The following NTM variants were observed in gnomAD, a reference collection of about 807,000 sequenced individuals.
NTM encodes neurotrimin.
Under a neutral mutation model 42.1 loss-of-function variants are expected in NTM, and 13 were observed. The observed-to-expected ratio is 0.31, with a 90% CI of 0.20 to 0.49. NTM has a LOEUF of 0.49. Among genes scored for constraint, NTM ranks in the 20% least tolerant of loss-of-function variants. NTM has a pLI of 0.99. For synonymous variants in NTM, 187 were observed against 179.2 expected (o/e 1.04, Z -0.35); for missense variants, 373 against 452.8 (o/e 0.82, Z 1.60).
At chr11:131,972,100 C>A (rs1350681667) in intron 2 of NTM, among the ~76,000 whole-genome samples, 4 of 147,480 alleles carry the variant, frequency 2.7e-5, no homozygotes, top group Non-Finnish European at 5.9e-5. Context: ...GTAGTCCTAG[C>A]TACTTGGGAG....
At chr11:132,086,182 G>A (rs2059679284) in intron 2 of NTM, among the ~76,000 whole-genome samples, 1 of 151,988 alleles carries the variant, frequency 6.6e-6, no homozygotes, top group Non-Finnish European at 1.5e-5. Flanking sequence ...AAATTAGCTG[G>A]GCATGGTGGT....
chr11:131,542,593 C>T (rs2053420740), intron 1 of NTM, among the ~76,000 whole-genome samples: 1 of 152,156 alleles, frequency 6.6e-6, no homozygotes. Context: ...TCCTCAAATT[C>T]CCAGCTGACC....
At chr11:132,001,013 A>G (rs918590760) in intron 2 of NTM, among the ~76,000 whole-genome samples, 5 of 152,228 alleles carry the variant, frequency 3.3e-5, no homozygotes, top group African/African-American at 9.6e-5. Flanking sequence ...TAGCATTCAT[A>G]GTCATCTGCC....
chr11:131,826,498 G>A (rs957274097), intron 1 of NTM, among the ~76,000 whole-genome samples: 1 of 151,874 alleles, frequency 6.6e-6, no homozygotes, highest in Non-Finnish European at 1.5e-5. Flanking sequence ...GTTGCAGACG[G>A]CAGTGTCCTC....
intron 1 of NTM, among the ~76,000 whole-genome samples, chr11:131,851,030 C>T (rs1843677604): frequency 6.6e-6 from 1 of 152,142 alleles, no homozygotes; most frequent in Non-Finnish European, 1.5e-5. Flanking sequence ...CTTGGGCCCT[C>T]CTGAGTGTCC....
chr11:131,773,407 G>A (rs1240563439), intron 1 of NTM, among the ~76,000 whole-genome samples: 1 of 152,208 alleles, frequency 6.6e-6, no homozygotes, highest in Admixed American at 6.5e-5. Flanking sequence ...CATAGCACTA[G>A]GGTGCCTATA....
intron 2 of NTM, among the ~76,000 whole-genome samples, chr11:132,033,289 T>C (rs1341152588): frequency 6.6e-6 from 1 of 152,194 alleles, no homozygotes; most frequent in Admixed American, 6.5e-5. Flanking sequence ...GTTTTATTTT[T>C]GTCATGCACC....
At chr11:131,682,951 G>T (rs1201025169) in intron 1 of NTM, among the ~76,000 whole-genome samples, 1 of 152,126 alleles carries the variant, frequency 6.6e-6, no homozygotes, top group East Asian at 1.9e-4. Context: ...GAAAAGGCAG[G>T]TAGATGTCGT....
chr11:131,580,507 A>G (rs149236246), intron 1 of NTM, among the ~76,000 whole-genome samples: 5 of 152,210 alleles, frequency 3.3e-5, no homozygotes, highest in African/African-American at 1.2e-4. Flanking sequence ...AACAAAGGTT[A>G]AGGCACACAC....
intron 1 of NTM, among the ~76,000 whole-genome samples, chr11:131,597,129 C>T (rs887469267): frequency 4.6e-5 from 7 of 152,268 alleles, no homozygotes; most frequent in African/African-American, 1.4e-4. Flanking sequence ...CCTTTGGCAA[C>T]GCCCTCACAC....
At chr11:132,171,117 T>C (rs1385833991) in intron 3 of NTM, among the ~76,000 whole-genome samples, 1 of 152,200 alleles carries the variant, frequency 6.6e-6, no homozygotes, top group Non-Finnish European at 1.5e-5. Context: ...TCTTCATCTT[T>C]CCTTGTCTGA....
rs375981785 is a variant in NTM, at chr11:131,549,792, A to G, written c.82+178904A>G. On this transcript the variant is annotated intron_variant, in intron 1 of 8. Coordinates refer to ENST00000683400, the MANE Select transcript of NTM (RefSeq NM_001352005.2). ...ATCTTCATTAGTGGAGAGGCTGGGG[A>G]AAAAATAAAATATTCACATGAGGAA... is the stretch of plus-strand genomic sequence containing the variant. Among the ~76,000 whole-genome samples the G allele has an allele frequency of 7.4e-3, 1,131 of 152,304 alleles. 23 individuals are homozygous for G. The highest frequency in any genetic ancestry group is 0.026 in the African/African-American group (1,082 of 41,574).
intron 1 of NTM, among the ~76,000 whole-genome samples, chr11:131,676,913 C>T (rs1044595985): frequency 1.3e-5 from 2 of 152,196 alleles, no homozygotes; most frequent in African/African-American, 2.4e-5. Context: ...CGGACCTGTC[C>T]ACTTAGCTGC....
chr11:132,211,679 T>A (rs755221345), intron 3 of NTM: 16 of 205,780 alleles, frequency 7.8e-5, no homozygotes, highest in Non-Finnish European at 1.3e-4. Context: ...TTTCAAGACA[T>A]CGCTGAATGC....
At chr11:131,738,296 C>T (rs988664097) in intron 1 of NTM, among the ~76,000 whole-genome samples, 2 of 152,204 alleles carry the variant, frequency 1.3e-5, no homozygotes, top group Admixed American at 1.3e-4. Flanking sequence ...ACCCCTCATC[C>T]TATGGGTTTC....
At chr11:131,935,514 G>C (rs2059113540) in intron 2 of NTM, among the ~76,000 whole-genome samples, 1 of 151,978 alleles carries the variant, frequency 6.6e-6, no homozygotes, top group Admixed American at 6.6e-5. Flanking sequence ...AGTTATGTTG[G>C]AATTGGAGGG....
intron 1 of NTM, among the ~76,000 whole-genome samples, chr11:131,497,789 C>G (rs536792019): frequency 1.3e-5 from 2 of 152,148 alleles, no homozygotes; most frequent in Admixed American, 6.5e-5. Flanking sequence ...CTTTATGTCT[C>G]CTTGCCCCTA....
intron 3 of NTM, among the ~76,000 whole-genome samples, chr11:132,155,498 T>C (rs1591869671): frequency 6.6e-6 from 1 of 152,206 alleles, no homozygotes; most frequent in Non-Finnish European, 1.5e-5. Flanking sequence ...GAAACCGGTC[T>C]GGGTCGCATC....
rs56790883 is a variant in NTM at position 131,584,061 on chromosome 11, C to T, written c.82+213173C>T. Reference sequence around the variant, plus strand: ...AATGCTGAACAGTAGAAAAAAGAGACGTGCTGGCATCTTCCTGGGATCCCA... The same window carrying T: ...AATGCTGAACAGTAGAAAAAAGAGATGTGCTGGCATCTTCCTGGGATCCCA... On this transcript the variant is annotated intron_variant, in intron 1 of 8. Transcript: ENST00000683400. 1.8e-3 allele frequency among the ~76,000 whole-genome samples: 280 copies of T among 152,268 alleles called. 2 individuals are homozygous for T. The highest frequency in any genetic ancestry group is 6.3e-3 in the African/African-American group (263 of 41,558).
Sources: allele counts gnomAD v4.1 joint callset (sites outside exome capture counted in the v4.1 genomes callset), GRCh38; gene constraint gnomAD v4.1.1; transcripts MANE v1.5; gene names NCBI Gene and HGNC (gene_info 2026-07-23, HGNC 2026-07-21).